Variants in CLSTN2 observed in about 807,000 individuals in gnomAD.
CLSTN2 encodes calsyntenin 2.
Under a neutral mutation model 101.2 loss-of-function variants are expected in CLSTN2, and 48 were observed. The ratio of observed to expected loss-of-function variants is 0.47; its 90% CI spans 0.38 to 0.60. The LOEUF (loss-of-function observed/expected upper bound fraction) is 0.60. Among genes scored for constraint, CLSTN2 ranks in the 20% least tolerant of loss-of-function variants. CLSTN2 has a pLI of 0.00. For missense variants in CLSTN2, 1,160 were observed against 1,238.2 expected (o/e 0.94, Z 0.95); for synonymous variants, 481 against 463.6 (o/e 1.04, Z -0.48).
At chr3:140,373,720 T>C (rs1346065729) in intron 2 of CLSTN2, among the ~76,000 whole-genome samples, 1 of 152,206 alleles carries the variant, frequency 6.6e-6, no homozygotes, top group East Asian at 1.9e-4. Flanking sequence ...TACACCATCA[T>C]GTGTGAGGCT....
intron 2 of CLSTN2, among the ~76,000 whole-genome samples, chr3:140,207,092 T>C (rs1359874832): frequency 6.6e-6 from 1 of 152,228 alleles, no homozygotes; most frequent in Non-Finnish European, 1.5e-5. Context: ...TTTCTTCACA[T>C]CTTCCCTAAC....
At chr3:140,160,181 TATAAA>T (rs2010023134) in intron 1 of CLSTN2, among the ~76,000 whole-genome samples, 2 of 152,074 alleles carry the variant, frequency 1.3e-5, no homozygotes, top group African/African-American at 4.8e-5. Context: ...ATTCTAAAAA[TATAAA>T]ATAAACAGAT....
At chr3:140,470,799 G>A (rs866672913) in intron 8 of CLSTN2, among the ~76,000 whole-genome samples, 45 of 152,274 alleles carry the variant, frequency 3.0e-4, no homozygotes, top group African/African-American at 9.9e-4. Context: ...GAATGGAGCC[G>A]GTGGCAGGGG....
intron 8 of CLSTN2, among the ~76,000 whole-genome samples, chr3:140,526,594 AC>A (rs766523841): frequency 0.079 from 9,856 of 124,386 alleles, 612 homozygotes; most frequent in East Asian, 0.29. Context: ...AAACAAACAA[AC>A]AAAAAAAAAA....
intron 1 of CLSTN2, among the ~76,000 whole-genome samples, chr3:140,090,525 T>TG (rs1243258375): frequency 6.6e-6 from 1 of 152,096 alleles, no homozygotes; most frequent in African/African-American, 2.4e-5. Context: ...GATGGCCAAA[T>TG]GCAGGTCAGT....
At chr3:140,529,407 C>T (rs1303893555) in intron 8 of CLSTN2, among the ~76,000 whole-genome samples, 4 of 152,172 alleles carry the variant, frequency 2.6e-5, no homozygotes, top group Non-Finnish European at 4.4e-5. Flanking sequence ...ATACTTGGTG[C>T]GGCTGGATAC....
chr3:140,014,017 C>G (rs2007144354), intron 1 of CLSTN2, among the ~76,000 whole-genome samples: 1 of 152,190 alleles, frequency 6.6e-6, no homozygotes, highest in South Asian at 2.1e-4. Flanking sequence ...AAAGCTACTT[C>G]CTTCTGACTA....
chr3:140,326,559 C>A lies in CLSTN2; in HGVS notation c.233-77070C>A, dbSNP rs569523163. Among the ~76,000 whole-genome samples, 3 of 152,340 alleles carry A rather than the reference C, an allele frequency of 2.0e-5. No individual in the cohort carries two copies. In the East Asian group the frequency reaches 5.8e-4, roughly 29 times the overall value. On this transcript the variant is annotated intron_variant, in intron 2 of 16. Transcript: ENST00000458420. ...TCCAAACTGAATTTGGAGGTTTTCACATTAACACATGGCGTATTTAATATT... is the reference window on the plus strand; with the variant it reads ...TCCAAACTGAATTTGGAGGTTTTCAAATTAACACATGGCGTATTTAATATT...
chr3:140,386,235 C>T (rs1237834275), intron 2 of CLSTN2, among the ~76,000 whole-genome samples: 1 of 152,158 alleles, frequency 6.6e-6, no homozygotes, highest in Non-Finnish European at 1.5e-5. Context: ...CGTACTTTGG[C>T]CAAGGTCACA....
chr3:140,318,985 C>G (rs1217848622), intron 2 of CLSTN2, among the ~76,000 whole-genome samples: 1 of 152,094 alleles, frequency 6.6e-6, no homozygotes, highest in Non-Finnish European at 1.5e-5. Flanking sequence ...CTGTGAGAAT[C>G]CATAAATAAG....
intron 2 of CLSTN2, among the ~76,000 whole-genome samples, chr3:140,245,583 G>T (rs532823245): frequency 6.6e-6 from 1 of 152,250 alleles, no homozygotes; most frequent in South Asian, 2.1e-4. Flanking sequence ...GACAAGAATG[G>T]GGCAGGGTGC....
chr3:140,335,356 C>A (rs998815451), intron 2 of CLSTN2, among the ~76,000 whole-genome samples: 7 of 152,078 alleles, frequency 4.6e-5, no homozygotes, highest in African/African-American at 1.4e-4. Context: ...TTCGGTACCA[C>A]CTTCTATTCT....
chr3:140,215,085 G>A (rs561204461), intron 2 of CLSTN2, among the ~76,000 whole-genome samples: 2 of 152,326 alleles, frequency 1.3e-5, no homozygotes, highest in African/African-American at 2.4e-5. Context: ...GAGGTGGGAA[G>A]ATTCTCTTTT....
intron 1 of CLSTN2, among the ~76,000 whole-genome samples, chr3:140,032,514 T>C (rs1051818125): frequency 6.6e-6 from 1 of 152,128 alleles, no homozygotes; most frequent in Non-Finnish European, 1.5e-5. Flanking sequence ...TTTTTGTATT[T>C]TTAGTAGAGA....
intron 8 of CLSTN2, among the ~76,000 whole-genome samples, chr3:140,516,189 T>A (rs886958462): frequency 8.5e-5 from 13 of 152,178 alleles, no homozygotes; most frequent in Admixed American, 1.3e-4. Context: ...ATGGAATATA[T>A]TTTTCCACCC....
At position 140,566,069 on chromosome 3, in the gene CLSTN2, G is replaced by A. The variant is rs769613236; in HGVS notation, c.2684G>A (p.Gly895Glu). ...VNPMEKHEGP[G>E]HGEDETEGEE... is the part of the protein sequence containing the mutation. ...GATATCCAGAAACATGAAGGACCAG[G>A]GCATGGGGAAGATGAGACTGAGGGA... The change falls in exon 17 of 17, where the codon GGG (glycine) becomes GAG (glutamate). Residue 895 changes from glycine to glutamate, a missense_variant. Coordinates refer to ENST00000458420, the MANE Select transcript of CLSTN2 (RefSeq NM_022131.3). The A allele has an allele frequency of 2.5e-6, 4 of 1,613,984 alleles. No individual in the cohort carries two copies. The highest frequency in any genetic ancestry group is 1.1e-5 in the South Asian group (1 of 91,068).
intron 1 of CLSTN2, among the ~76,000 whole-genome samples, chr3:139,956,843 A>T (rs1935414926): frequency 6.6e-6 from 1 of 152,150 alleles, no homozygotes; most frequent in African/African-American, 2.4e-5. Context: ...CTTTTGCCTC[A>T]CCCTCACAAA....
intron 1 of CLSTN2, among the ~76,000 whole-genome samples, chr3:139,950,329 C>T (rs1273234289): frequency 2.0e-5 from 3 of 152,168 alleles, no homozygotes; most frequent in Admixed American, 6.5e-5. Flanking sequence ...GGACAGTCCC[C>T]AGGCACATGG....
chr3:140,372,851 G>A (rs1406563270), intron 2 of CLSTN2, among the ~76,000 whole-genome samples: 1 of 152,172 alleles, frequency 6.6e-6, no homozygotes. Context: ...GGCCAAGGTG[G>A]GAGGATGGTT....
Sources: allele counts gnomAD v4.1 joint callset (sites outside exome capture counted in the v4.1 genomes callset), GRCh38; gene constraint gnomAD v4.1.1; transcripts MANE v1.5; gene names NCBI Gene and HGNC (gene_info 2026-07-23, HGNC 2026-07-21).